PAM: variants seen among roughly 807,000 people sequenced by gnomAD.
PAM encodes the protein peptidylglycine alpha-amidating monooxygenase.
PAM carries 72 observed loss-of-function variants against 122.1 expected under a neutral mutation model. The observed-to-expected ratio is 0.59, with a 90% CI of 0.49 to 0.72. The LOEUF is 0.72. Among genes scored for constraint, PAM ranks in the 30% least tolerant of loss-of-function variants. PAM has a pLI of 0.00. For synonymous variants in PAM, 389 were observed against 404.4 expected (o/e 0.96, Z 0.46); for missense variants, 1,106 against 1,183.7 (o/e 0.93, Z 0.96).
Position 102,974,307 on chromosome 5 carries a change from A to T in PAM, c.1354A>T (p.Ile452Phe), listed in dbSNP as rs145710876. The change falls in exon 15 of 26, where the codon ATT becomes TTT. Residue 452 changes from isoleucine to phenylalanine, a missense_variant. By Grantham distance (21) the Ile-to-Phe change is conservative (BLOSUM62 0). Coordinates refer to ENST00000438793, the MANE Select transcript of PAM (RefSeq NM_001177306.2). Reference protein sequence around the residue: ...EGAEHERGNAILVRDRIHKFH... With the variant: ...EGAEHERGNAFLVRDRIHKFH... Reference sequence around the variant, plus strand: ...TGCAGAACATGAGAGGGGTAATGCTATTCTTGTCAGAGACAGAATTCACAA... The same window carrying T: ...TGCAGAACATGAGAGGGGTAATGCTTTTCTTGTCAGAGACAGAATTCACAA... The T allele has an allele frequency of 1.2e-6, 2 of 1,613,936 alleles. No homozygotes were observed. The highest frequency in any genetic ancestry group is 2.7e-5 in the African/African-American group (2 of 74,916).
chr5:102,960,194 T>A (rs1762052489), intron 13 of PAM, 135 bp downstream of exon 13: 2 of 547,286 alleles, frequency 3.7e-6, no homozygotes, highest in African/African-American at 1.9e-5. Flanking sequence ...TATTTCTTAT[T>A]TTCTCATTTT....
chr5:102,945,281 TG>T (rs1561981454), intron 7 of PAM, among the ~76,000 whole-genome samples: 3 of 151,962 alleles, frequency 2.0e-5, no homozygotes. Flanking sequence ...AAACTGATGA[TG>T]GTCCTGTAAG....
chr5:102,900,100 G>A (rs1331766373), intron 3 of PAM, among the ~76,000 whole-genome samples: 1 of 151,406 alleles, frequency 6.6e-6, no homozygotes, highest in African/African-American at 2.4e-5. Flanking sequence ...CTCTAAGAGA[G>A]GGTTTATGCT....
intron 1 of PAM, among the ~76,000 whole-genome samples, chr5:102,761,459 A>G (rs1208982650): frequency 6.6e-6 from 1 of 152,244 alleles, no homozygotes; most frequent in Non-Finnish European, 1.5e-5. Flanking sequence ...TGCTGCATGT[A>G]CAACATAAGC....
At chr5:102,879,194 T>G (rs1340603970) in intron 3 of PAM, among the ~76,000 whole-genome samples, 1 of 151,934 alleles carries the variant, frequency 6.6e-6, no homozygotes, top group Non-Finnish European at 1.5e-5. Flanking sequence ...CCTCCCAGAG[T>G]GCTGGGAGAT....
chr5:102,861,421 AAAAC>A (rs1483460902), intron 1 of PAM, among the ~76,000 whole-genome samples: 1 of 152,228 alleles, frequency 6.6e-6, no homozygotes, highest in African/African-American at 2.4e-5. Flanking sequence ...AATGAAACAT[AAAAC>A]AAACACTGAT....
chr5:102,905,878 A>T (rs1424643223), intron 4 of PAM, among the ~76,000 whole-genome samples: 1 of 151,782 alleles, frequency 6.6e-6, no homozygotes, highest in East Asian at 1.9e-4. Flanking sequence ...ATTTCCCACC[A>T]ATCACCCTGG....
intron 1 of PAM, among the ~76,000 whole-genome samples, chr5:102,789,486 A>G (rs1220539313): frequency 6.6e-6 from 1 of 152,144 alleles, no homozygotes; most frequent in African/African-American, 2.4e-5. Context: ...GACACGTGCT[A>G]CAACATGGCT....
intron 4 of PAM, among the ~76,000 whole-genome samples, chr5:102,902,059 A>G (rs973762251): frequency 2.0e-5 from 3 of 151,626 alleles, no homozygotes; most frequent in Admixed American, 1.3e-4. Context: ...CCCTTATGAC[A>G]GACATTTAAC....
At chr5:102,770,132 A>T (rs1755317806) in intron 1 of PAM, among the ~76,000 whole-genome samples, 3 of 152,100 alleles carry the variant, frequency 2.0e-5, no homozygotes, top group South Asian at 4.1e-4. Flanking sequence ...ATAGGATTTT[A>T]AAAAATTTCT....
At chr5:102,937,254 T>C (rs1753567275) in intron 7 of PAM, among the ~76,000 whole-genome samples, 1 of 152,202 alleles carries the variant, frequency 6.6e-6, no homozygotes, top group African/African-American at 2.4e-5. Context: ...ATATATCTTT[T>C]TGAAGAATGG....
At chr5:102,770,016 C>G (rs749117931) in intron 1 of PAM, among the ~76,000 whole-genome samples, 8 of 152,024 alleles carry the variant, frequency 5.3e-5, no homozygotes, top group Non-Finnish European at 1.0e-4. Context: ...GTGTATGTGT[C>G]TGTCCTCTTC....
At chr5:102,872,690 A>G (rs1039560412) in intron 3 of PAM, among the ~76,000 whole-genome samples, 1 of 152,238 alleles carries the variant, frequency 6.6e-6, no homozygotes, top group African/African-American at 2.4e-5. Flanking sequence ...ATCAGAGGTA[A>G]TATACAAGTT....
At chr5:102,949,765 T>C (rs113502014) in intron 10 of PAM, 137 bp from the exon 11 acceptor site, 12 of 682,740 alleles carry the variant, frequency 1.8e-5, no homozygotes, top group African/African-American at 1.6e-4. Flanking sequence ...TGTTTTATCA[T>C]ATTGTTTTTT....
At chr5:102,830,343 G>T (rs1179578359) in intron 1 of PAM, among the ~76,000 whole-genome samples, 1 of 152,126 alleles carries the variant, frequency 6.6e-6, no homozygotes, top group African/African-American at 2.4e-5. Context: ...CAAAACTACG[G>T]TATCTGCTAG....
chr5:103,014,778 A>G (rs1282603063), intron 21 of PAM, among the ~76,000 whole-genome samples: 2 of 152,194 alleles, frequency 1.3e-5, no homozygotes, highest in Non-Finnish European at 2.9e-5. Flanking sequence ...AGGACAATAA[A>G]GAAAATGGTT....
At chr5:102,900,808 A>G (rs1046274250) in intron 3 of PAM, among the ~76,000 whole-genome samples, 2 of 151,596 alleles carry the variant, frequency 1.3e-5, no homozygotes, top group Non-Finnish European at 3.0e-5. Context: ...AGATGAGACC[A>G]ATAACTAGAA....
At chr5:102,911,601 C>T (rs1232773458) in intron 4 of PAM, among the ~76,000 whole-genome samples, 1 of 151,944 alleles carries the variant, frequency 6.6e-6, no homozygotes, top group Non-Finnish European at 1.5e-5. Flanking sequence ...GAGTCTCTTA[C>T]ATAAGCAAGG....
At chr5:102,922,620 C>T (rs1386236085) in intron 5 of PAM, among the ~76,000 whole-genome samples, 1 of 152,124 alleles carries the variant, frequency 6.6e-6, no homozygotes, top group Non-Finnish European at 1.5e-5. Flanking sequence ...AGTTACTAAG[C>T]CAGTTTTCTC....
Sources: gnomAD v4.1 joint callset for allele counts (sites outside exome capture counted in the v4.1 genomes callset) on GRCh38, gnomAD v4.1.1 for gene constraint, MANE v1.5 for transcripts, NCBI Gene and HGNC (gene_info 2026-07-23, HGNC 2026-07-21) for gene names.